The following MZT2B variants were observed in gnomAD, a reference collection of about 807,000 sequenced individuals.
The protein encoded by MZT2B is mitotic-spindle organizing protein 2B.
Under a neutral mutation model 12.1 loss-of-function variants are expected in MZT2B, and 11 were observed. The observed-to-expected ratio is 0.91, with a 90% CI of 0.57 to 1.50. The LOEUF is 1.50. MZT2B is among the 40% of genes most tolerant of loss of function. The pLI, the probability that MZT2B is intolerant of heterozygous loss-of-function variation, is 0.00. For missense variants in MZT2B, 209 were observed against 227.7 expected (o/e 0.92, Z 0.53); for synonymous variants, 85 against 109.5 (o/e 0.78, Z 1.40).
At chr2:130,190,906 TATAA>T (rs1219611234), downstream of MZT2B, among the ~76,000 whole-genome samples, 2 of 152,238 alleles carry the variant, frequency 1.3e-5, no homozygotes, top group African/African-American at 4.8e-5. Context: ...CCAGGTCTTT[TATAA>T]ATAGACGTCA....
chr2:130,186,662 C>A (rs1184593404), intron 2 of MZT2B, among the ~76,000 whole-genome samples: 2 of 152,196 alleles, frequency 1.3e-5, no homozygotes, highest in East Asian at 1.9e-4. Context: ...ACCCACCACA[C>A]CTTGGGAGTC....
At chr2:130,183,196 C>G (rs182291431) in intron 2 of MZT2B, 1 of 293,142 alleles carries the variant, frequency 3.4e-6, no homozygotes, top group Non-Finnish European at 6.5e-6. Context: ...GATCCTGTCT[C>G]TAAATGTTTT....
At chr2:130,193,685 TGGAACA>T (rs1450012849), downstream of MZT2B, 2 of 1,438,570 alleles carry the variant, frequency 1.4e-6, no homozygotes, top group Non-Finnish European at 1.9e-6. Context: ...GCCTAGCCCA[TGGAACA>T]GGGATAGTCT....
chr2:130,197,624 T>C, the MZT2B span, among the ~76,000 whole-genome samples: 1 of 128,122 alleles, frequency 7.8e-6, no homozygotes, highest in African/African-American at 2.7e-5. Flanking sequence ...TTTGTTTGGT[T>C]TTTTGAGGCA....
chr2:130,196,327 G>T, the MZT2B span: 2 of 1,614,030 alleles, frequency 1.2e-6, no homozygotes, highest in South Asian at 2.2e-5. Flanking sequence ...AGGCATTGCC[G>T]ATCTGGACAC....
At chr2:130,199,381 C>T in the MZT2B span, among the ~76,000 whole-genome samples, 2 of 119,362 alleles carry the variant, frequency 1.7e-5, no homozygotes, top group Non-Finnish European at 3.6e-5. Context: ...CCACCTTGCC[C>T]GTTTCTACAA....
upstream of MZT2B, chr2:130,181,789 C>G: frequency 1.9e-6 from 3 of 1,546,858 alleles, no homozygotes; most frequent in Non-Finnish European, 1.7e-6. Flanking sequence ...CGGCCTCCGG[C>G]GCCCCAAGGT....
chr2:130,195,271 C>T (rs1404283766), downstream of MZT2B: 1 of 1,602,124 alleles, frequency 6.2e-7, no homozygotes, highest in Non-Finnish European at 8.5e-7. Flanking sequence ...AAGGCCTGTA[C>T]TCACCAAGAT....
the MZT2B span, chr2:130,202,351 C>T: frequency 2.6e-5 from 34 of 1,290,116 alleles, no homozygotes; most frequent in South Asian, 1.8e-4. Flanking sequence ...GAGGACAAGG[C>T]GGCGCCTCGA....
chr2:130,195,020 A>T, downstream of MZT2B: 1 of 1,596,998 alleles, frequency 6.3e-7, no homozygotes, highest in Non-Finnish European at 8.6e-7. Flanking sequence ...TCCCTTTCAC[A>T]TTCCAAGAAC....
Position 130,190,656 on chromosome 2 carries a change from C to T in MZT2B, c.*30C>T, listed in dbSNP as rs375998230. Reference sequence around the variant, plus strand: ...GGGCAGAGACTTGTTGCATCTTTGTCCCCAGCAAAGGCTACATGTTACCTC... The same window carrying T: ...GGGCAGAGACTTGTTGCATCTTTGTTCCCAGCAAAGGCTACATGTTACCTC... On this transcript the variant is annotated 3_prime_UTR_variant, in exon 3 of 3. Transcript: ENST00000281871. 2.1e-5 allele frequency: 34 copies of T among 1,582,664 alleles called. No homozygotes were observed. In the African/African-American group the frequency reaches 2.5e-4, roughly 11 times the overall value.
chr2:130,190,048 C>T (rs979973618), intron 2 of MZT2B, among the ~76,000 whole-genome samples: 2 of 152,178 alleles, frequency 1.3e-5, no homozygotes, highest in African/African-American at 4.8e-5. Flanking sequence ...ATGTGCAGTC[C>T]AGCATGAACA....
downstream of MZT2B, among the ~76,000 whole-genome samples, chr2:130,191,000 A>C (rs1156280072): frequency 6.6e-6 from 1 of 152,074 alleles, no homozygotes; most frequent in African/African-American, 2.4e-5. Context: ...CCCAAGCTGG[A>C]GTGCAGTGGT....
downstream of MZT2B, among the ~76,000 whole-genome samples, chr2:130,192,824 G>T (rs1690298585): frequency 6.6e-6 from 1 of 152,214 alleles, no homozygotes; most frequent in South Asian, 2.1e-4. Context: ...GGCCAGGTGT[G>T]GTGGCTCAAG....
upstream of MZT2B, chr2:130,181,755 T>C (rs1558772200): frequency 1.9e-6 from 3 of 1,547,890 alleles, no homozygotes; most frequent in South Asian, 1.2e-5. Flanking sequence ...GAGTGGTCCT[T>C]AGCTGAATGC....
chr2:130,182,165 C>A (rs1472837656), upstream of MZT2B: 20 of 1,265,070 alleles, frequency 1.6e-5, no homozygotes, highest in Middle Eastern at 3.2e-4. Context: ...CCCGCGCTCC[C>A]GCCCCTCCCG....
intron 2 of MZT2B, among the ~76,000 whole-genome samples, chr2:130,186,707 G>A (rs529939618): frequency 1.3e-5 from 2 of 152,192 alleles, no homozygotes; most frequent in Non-Finnish European, 2.9e-5. Context: ...CAGCAGTTCA[G>A]GACTAGCCAG....
chr2:130,194,442 C>A, downstream of MZT2B: 1 of 1,587,762 alleles, frequency 6.3e-7, no homozygotes, highest in Non-Finnish European at 8.6e-7. Context: ...ATGAGGAAGC[C>A]CTGCAGTCCT....
chr2:130,198,443 C>A, the MZT2B span: 3,708 of 1,337,302 alleles, frequency 2.8e-3, 1,068 homozygotes, highest in South Asian at 0.023. Flanking sequence ...CTGCAATGAC[C>A]TGCCCACGCG....
Sources: gnomAD v4.1 joint callset for allele counts (sites outside exome capture counted in the v4.1 genomes callset) on GRCh38, gnomAD v4.1.1 for gene constraint, MANE v1.5 for transcripts, NCBI Gene and HGNC (gene_info 2026-07-23, HGNC 2026-07-21) for gene names.